RPAP2: variants seen among roughly 807,000 people sequenced by gnomAD.
RPAP2 encodes RNA polymerase II associated protein 2, also known as putative RNA polymerase II subunit B1 CTD phosphatase RPAP2.
Under a neutral mutation model 73.1 loss-of-function variants are expected in RPAP2, and 52 were observed. The observed-to-expected ratio is 0.71, with a 90% confidence interval of 0.57 to 0.90. The LOEUF (loss-of-function observed/expected upper bound fraction) is 0.90. Ranked by LOEUF, RPAP2 falls within the 40% of genes least tolerant of loss-of-function variation. The pLI is 0.00. For synonymous variants in RPAP2, 225 were observed against 242.1 expected (o/e 0.93, Z 0.65); for missense variants, 598 against 701.8 (o/e 0.85, Z 1.67).
At chr1:92,373,733 T>TGAA (rs1655252719) in intron 11 of RPAP2, among the ~76,000 whole-genome samples, 1 of 40,892 alleles carries the variant, frequency 2.4e-5, no homozygotes, top group Non-Finnish European at 4.4e-5. Context: ...CCGTCTCTAC[T>TGAA]AAAAATAAAA....
chr1:92,391,904 C>T lies in RPAP2; in HGVS notation c.*4893C>T, dbSNP rs949973220. On this transcript the variant is annotated 3_prime_UTR_variant, in exon 13 of 13. Transcript: ENST00000610020. Reference sequence around the variant, plus strand: ...AGGCAATAATTAATAGCCTACCAACCAAAAAAAGTCCAGGACCAGACGGAT... The same window carrying T: ...AGGCAATAATTAATAGCCTACCAACTAAAAAAAGTCCAGGACCAGACGGAT... The T allele has an allele frequency of 2.6e-5, 4 of 151,988 alleles. No homozygotes were observed. The highest frequency in any genetic ancestry group is 1.5e-5 in the Non-Finnish European group (1 of 67,994). The allele number at this position is 151,988 out of a possible 1,614,324, so 9.4% of individuals were successfully genotyped here.
chr1:92,392,966 A>G lies in RPAP2; in HGVS notation c.*5955A>G, dbSNP rs1253598733. ...AGCTACCACTAACTTTCTTCACAGA[A>G]TTGGAAAAAACTACTTTAAGATTCA... On this transcript the variant is annotated 3_prime_UTR_variant, in exon 13 of 13. Transcript: ENST00000610020. 1 of 152,214 alleles carries G rather than the reference A, an allele frequency of 6.6e-6. No individual in the cohort carries two copies. Among genetic ancestry groups the G allele is most frequent in the Non-Finnish European group, 1.5e-5 (1 of 68,040 alleles). 9.4% of individuals were successfully genotyped at this position (152,214 alleles called of 1,614,324 possible).
chr1:92,310,430 C>T (rs1330405088), intron 6 of RPAP2, among the ~76,000 whole-genome samples: 7 of 152,076 alleles, frequency 4.6e-5, no homozygotes, highest in Non-Finnish European at 8.8e-5. Flanking sequence ...TTACATATGG[C>T]ATGGGATACA....
intron 6 of RPAP2, among the ~76,000 whole-genome samples, chr1:92,317,579 C>G (rs185673876): frequency 6.6e-6 from 1 of 152,108 alleles, no homozygotes; most frequent in Non-Finnish European, 1.5e-5. Context: ...AACCATCTAG[C>G]AGACAATTTG....
At chr1:92,369,809 A>T (rs1655074990) in intron 11 of RPAP2, among the ~76,000 whole-genome samples, 1 of 152,220 alleles carries the variant, frequency 6.6e-6, no homozygotes, top group Admixed American at 6.5e-5. Context: ...AGAAAAAGAG[A>T]GGAAGCAGGT....
intron 10 of RPAP2, among the ~76,000 whole-genome samples, chr1:92,342,722 G>T (rs1653666871): frequency 6.6e-6 from 1 of 152,130 alleles, no homozygotes; most frequent in African/African-American, 2.4e-5. Flanking sequence ...TATTTTGAAG[G>T]TGGAATCATT....
Position 92,338,801 on chromosome 1 carries a change from A to G in RPAP2, c.1619+2374A>G, listed in dbSNP as rs115672903. Among the ~76,000 whole-genome samples, 1,246 of 151,826 alleles carry G rather than the reference A, an allele frequency of 8.2e-3. 14 individuals carry two copies. Among genetic ancestry groups the G allele is most frequent in the African/African-American group, 0.029 (1,187 of 41,454 alleles). ...TAAGTTTTCTGTAGAGATAGGGGTC[A>G]GTCTCACTATGTTGCCCAGGCTGGT... On this transcript the variant is annotated intron_variant, in intron 10 of 12. Transcript: ENST00000610020.
At position 92,399,097 on chromosome 1, in the gene RPAP2, A is replaced by T. The variant is rs185888635; in HGVS notation, c.*12086A>T. 2.0e-5 allele frequency: 3 copies of T among 152,358 alleles called. No homozygotes were observed. The East Asian group carries it at 5.8e-4, about 29-fold the overall frequency. The allele number at this position is 152,358 out of a possible 1,614,324, so 9.4% of individuals were successfully genotyped here. ...TTAGATGAAAGCAGCAGCACAAGCCATTCCCTTTAAATGAGCTGGCCTCAC... is the reference window on the plus strand; with the variant it reads ...TTAGATGAAAGCAGCAGCACAAGCCTTTCCCTTTAAATGAGCTGGCCTCAC... On this transcript the variant is annotated 3_prime_UTR_variant, in exon 13 of 13. Coordinates refer to ENST00000610020, the MANE Select transcript of RPAP2 (RefSeq NM_024813.3).
At position 92,396,151 on chromosome 1, in the gene RPAP2, C is replaced by G. The variant is rs1330836410; in HGVS notation, c.*9140C>G. 1.3e-5 allele frequency: 2 copies of G among 151,658 alleles called. No homozygotes were observed. Among genetic ancestry groups the G allele is most frequent in the African/African-American group, 4.8e-5 (2 of 41,294 alleles). The allele number at this position is 151,658 out of a possible 1,614,324, so 9.4% of individuals were successfully genotyped here. Reference sequence around the variant, plus strand: ...CGTAGGCAAATGTTCATAGCATTATCATTCATATTAGTCAAAAAGTGGAAA... The same window carrying G: ...CGTAGGCAAATGTTCATAGCATTATGATTCATATTAGTCAAAAAGTGGAAA... On this transcript the variant is annotated 3_prime_UTR_variant, in exon 13 of 13. Transcript: ENST00000610020.
chr1:92,357,122 A>ACACACAC, intron 11 of RPAP2, among the ~76,000 whole-genome samples: 1 of 139,576 alleles, frequency 7.2e-6, no homozygotes, highest in South Asian at 2.4e-4. Flanking sequence ...CACACACACA[A>ACACACAC]ACAGATGTTT....
chr1:92,333,002 T>C (rs1365317633), intron 8 of RPAP2, among the ~76,000 whole-genome samples: 1 of 152,134 alleles, frequency 6.6e-6, no homozygotes, highest in Non-Finnish European at 1.5e-5. Flanking sequence ...CTAGAATGGT[T>C]AGGGGTCAAA....
At chr1:92,339,152 T>G (rs892167430) in intron 10 of RPAP2, among the ~76,000 whole-genome samples, 6 of 152,180 alleles carry the variant, frequency 3.9e-5, no homozygotes, top group Non-Finnish European at 5.9e-5. Context: ...TGATGTCTCT[T>G]TTTTAAAAAA....
chr1:92,379,604 C>T (rs548323745), intron 11 of RPAP2, among the ~76,000 whole-genome samples: 14 of 152,222 alleles, frequency 9.2e-5, no homozygotes, highest in Non-Finnish European at 1.6e-4. Flanking sequence ...GTATGAAGTG[C>T]CTTACAAGAC....
chr1:92,333,460 A>G lies in RPAP2; in HGVS notation c.1525A>G (p.Lys509Glu). ...GATTAGAAAACGCATCGTACTTGAA[A>G]AGTTGAGTAAAGTGTAAGTATGTAA... ...NQIRKRIVLE[K>E]LSKVLPGLLV... Residue 509 changes from lysine (K) to glutamate (E), a missense_variant, in exon 9 of 13, where the codon AAG (lysine) becomes GAG (glutamate). This residue lies in a region of RPAP2 where 506 missense variants were observed against 612.8 expected (regional missense o/e 0.83). Coordinates refer to ENST00000610020, the MANE Select transcript of RPAP2 (RefSeq NM_024813.3). 1 of 1,611,684 alleles carries G rather than the reference A, an allele frequency of 6.2e-7. No homozygotes were observed. Among genetic ancestry groups the G allele is most frequent in the African/African-American group, 1.3e-5 (1 of 74,986 alleles).
At chr1:92,345,982 G>C (rs150357462) in intron 11 of RPAP2, 68 bp downstream of exon 11, 6 of 1,084,618 alleles carry the variant, frequency 5.5e-6, no homozygotes, top group African/African-American at 1.6e-5. Context: ...GAAAAACAAA[G>C]TGATCCACTG....
Position 92,299,097 on chromosome 1 carries a change from T to C in RPAP2, c.24T>C (p.Ser8=), listed in dbSNP as rs1157120968. The part of the protein sequence containing the change: MADFAGP[S]SAGRKAGAPR... The stretch of plus-strand genomic sequence containing the variant: ...CCATGGCGGACTTCGCTGGGCCGTC[T>C]TCTGCCGGCCGCAAGGCCGGGGCTC... Residue 8 remains serine, a synonymous_variant, in exon 1 of 13, where the codon TCT becomes TCC. Transcript: ENST00000610020. 1.3e-6 allele frequency: 2 copies of C among 1,520,374 alleles called. No homozygotes were observed. Among genetic ancestry groups the C allele is most frequent in the South Asian group, 1.2e-5 (1 of 80,202 alleles). The allele number at this position is 1,520,374 out of a possible 1,614,324, so 94.2% of individuals were successfully genotyped here.
At chr1:92,348,825 C>T (rs760689496) in intron 11 of RPAP2, among the ~76,000 whole-genome samples, 9 of 152,206 alleles carry the variant, frequency 5.9e-5, no homozygotes, top group Non-Finnish European at 7.3e-5. Context: ...TTCCACCCCT[C>T]TTCTCCCCCT....
intron 12 of RPAP2, among the ~76,000 whole-genome samples, chr1:92,385,668 G>GA (rs887677456): frequency 1.3e-5 from 2 of 151,784 alleles, no homozygotes; most frequent in Non-Finnish European, 1.5e-5. Flanking sequence ...GTGAATAACA[G>GA]AAAAAAAATC....
intron 10 of RPAP2, among the ~76,000 whole-genome samples, chr1:92,341,120 C>T (rs544430298): frequency 1.3e-5 from 2 of 152,018 alleles, no homozygotes; most frequent in African/African-American, 2.4e-5. Flanking sequence ...GCAATCCTCC[C>T]ACCTTAGCCT....
Sources: gnomAD v4.1 joint callset for allele counts (sites outside exome capture counted in the v4.1 genomes callset) on GRCh38, gnomAD v4.1.1 for gene constraint, gnomAD v4.1.1 regional missense constraint, MANE v1.5 for transcripts, NCBI Gene and HGNC (gene_info 2026-07-23, HGNC 2026-07-21) for gene names.